The following LHFPL3 variants were observed in gnomAD, a reference collection of about 807,000 sequenced individuals.
LHFPL3 encodes LHFPL tetraspan subfamily member 3.
Under a neutral mutation model 19.3 loss-of-function variants are expected in LHFPL3, and 5 were observed. The ratio of observed to expected loss-of-function variants is 0.26; its 90% CI spans 0.14 to 0.54. The LOEUF is 0.54. Among genes scored for constraint, LHFPL3 ranks in the 20% least tolerant of loss-of-function variants. The probability of loss-of-function intolerance (pLI) is 0.94; values close to 1 mark genes in which losing one functional copy is unlikely to be tolerated. For synonymous variants in LHFPL3, 133 were observed against 126.2 expected, an observed-to-expected ratio of 1.05 and a Z score of -0.36; for missense variants, 249 against 307.4, an observed-to-expected ratio of 0.81 and a Z score of 1.42.
rs12669426 is a variant in LHFPL3, at chr7:104,399,101, C to T, written c.445+69877C>T. Among the ~76,000 whole-genome samples, 58,624 of 151,946 alleles carry T rather than the reference C, an allele frequency of 0.39. 11,743 individuals are homozygous for T. Among genetic ancestry groups the T allele is most frequent in the Admixed American group, 0.5 (7,657 of 15,276 alleles). ...AGTTCCTGTGTGCTACTGAAAGACA[C>T]ACAGGATAGTGGGGGAAGATGTCAC... On this transcript the variant is annotated intron_variant, in intron 1 of 2. Transcript: ENST00000424859. The surrounding 1 kb of genome is among the most constrained non-coding windows in gnomAD (Gnocchi z 4.4).
intron 1 of LHFPL3, among the ~76,000 whole-genome samples, chr7:104,331,775 C>T (rs1269404968): frequency 6.6e-6 from 1 of 151,954 alleles, no homozygotes; most frequent in Non-Finnish European, 1.5e-5. Context: ...CATGGTGAAA[C>T]TCCATCTCTA....
chr7:104,568,205 T>C (rs539575098), intron 1 of LHFPL3, among the ~76,000 whole-genome samples: 75 of 152,310 alleles, frequency 4.9e-4, no homozygotes, highest in African/African-American at 1.8e-3. Context: ...TCAGACTCTA[T>C]AAAGAGCTAC....
intron 2 of LHFPL3, among the ~76,000 whole-genome samples, chr7:104,746,734 G>T (rs919622519): frequency 1.3e-5 from 2 of 152,172 alleles, no homozygotes; most frequent in African/African-American, 4.8e-5. Context: ...GAACCTGCCT[G>T]ATAGAGATTT....
At chr7:104,897,286 C>T (rs773657538) in intron 2 of LHFPL3, among the ~76,000 whole-genome samples, 4 of 152,030 alleles carry the variant, frequency 2.6e-5, no homozygotes, top group African/African-American at 9.7e-5. Flanking sequence ...TCTCACAGGG[C>T]CGTGGGTGTG....
At chr7:104,687,912 A>G (rs1472917290) in intron 1 of LHFPL3, among the ~76,000 whole-genome samples, 1 of 152,202 alleles carries the variant, frequency 6.6e-6, no homozygotes, top group Non-Finnish European at 1.5e-5. Flanking sequence ...CATTATAGAA[A>G]AATACAGAAA....
At chr7:104,805,046 A>C (rs1466589483) in intron 2 of LHFPL3, among the ~76,000 whole-genome samples, 3 of 152,222 alleles carry the variant, frequency 2.0e-5, no homozygotes, top group Non-Finnish European at 4.4e-5. Context: ...AATCTGGAGC[A>C]GCCAGAGGGC....
intron 1 of LHFPL3, among the ~76,000 whole-genome samples, chr7:104,567,162 A>G (rs150850969): frequency 3.5e-4 from 54 of 152,370 alleles, no homozygotes; most frequent in African/African-American, 1.2e-3. Context: ...CAGAGTTTCC[A>G]ATGTGATTCC....
chr7:104,543,997 A>T (rs1345359385), intron 1 of LHFPL3, among the ~76,000 whole-genome samples: 1 of 151,372 alleles, frequency 6.6e-6, no homozygotes, highest in African/African-American at 2.4e-5. Context: ...CTATGTGACA[A>T]ACCTGCATGT....
intron 2 of LHFPL3, among the ~76,000 whole-genome samples, chr7:104,750,329 C>T (rs990467897): frequency 6.6e-6 from 1 of 152,180 alleles, no homozygotes. Flanking sequence ...TTCTCTGAGA[C>T]CTGACTTGCC....
rs1794094477 is a variant in LHFPL3, at chr7:104,522,686, A to G, written c.445+193462A>G. Among the ~76,000 whole-genome samples the G allele has an allele frequency of 3.3e-5, 5 of 152,160 alleles. No individual in the cohort carries two copies. In the South Asian group the frequency reaches 8.3e-4, roughly 25 times the overall value. ...TGTTCTTAAAGAAATGAAAGACAAT[A>G]CAGAAGGTCTTTCTTGCCATTTGTC... On this transcript the variant is annotated intron_variant, in intron 1 of 2. Transcript: ENST00000424859.
chr7:104,904,541 C>T (rs1792560553), intron 2 of LHFPL3, among the ~76,000 whole-genome samples: 1 of 152,226 alleles, frequency 6.6e-6, no homozygotes, highest in African/African-American at 2.4e-5. Flanking sequence ...ATCCCAGCTA[C>T]TGGGGAGGCT....
intron 2 of LHFPL3, among the ~76,000 whole-genome samples, chr7:104,793,476 G>A (rs774886168): frequency 1.3e-5 from 2 of 152,200 alleles, no homozygotes; most frequent in African/African-American, 2.4e-5. Flanking sequence ...TTACTAAGAT[G>A]TCAGTGGTAA....
intron 1 of LHFPL3, among the ~76,000 whole-genome samples, chr7:104,506,543 G>A (rs1406199719): frequency 6.6e-6 from 1 of 152,236 alleles, no homozygotes; most frequent in African/African-American, 2.4e-5. Context: ...AGCACCTACT[G>A]TGGTGCCTGA....
chr7:104,557,785 A>G (rs111811446), intron 1 of LHFPL3, among the ~76,000 whole-genome samples: 14,415 of 148,406 alleles, frequency 0.097, 1,392 homozygotes, highest in African/African-American at 0.27. Context: ...CCACTAACTC[A>G]TCATCTAGCA....
intron 1 of LHFPL3, among the ~76,000 whole-genome samples, chr7:104,367,358 G>C (rs1300098868): frequency 2.0e-5 from 3 of 152,192 alleles, no homozygotes; most frequent in Admixed American, 6.5e-5. Flanking sequence ...TTGGGAATCA[G>C]ATGTTCTATG....
intron 1 of LHFPL3, among the ~76,000 whole-genome samples, chr7:104,500,692 A>G (rs1793583524): frequency 6.6e-6 from 1 of 152,176 alleles, no homozygotes; most frequent in Non-Finnish European, 1.5e-5. Context: ...TTCCCTCGCC[A>G]CAGAGGGCAG....
At chr7:104,526,434 A>G (rs1173311676) in intron 1 of LHFPL3, among the ~76,000 whole-genome samples, 2 of 152,240 alleles carry the variant, frequency 1.3e-5, no homozygotes, top group Admixed American at 6.5e-5. Flanking sequence ...TAAAAATATC[A>G]TAGCAATCCA....
chr7:104,862,719 G>A (rs1791639621), intron 2 of LHFPL3, among the ~76,000 whole-genome samples: 1 of 152,174 alleles, frequency 6.6e-6, no homozygotes, highest in Non-Finnish European at 1.5e-5. Context: ...ACCTGGACCT[G>A]CTGAACCCTG....
chr7:104,688,520 T>C (rs543209403), intron 1 of LHFPL3, among the ~76,000 whole-genome samples: 27 of 152,104 alleles, frequency 1.8e-4, no homozygotes, highest in Non-Finnish European at 3.4e-4. Flanking sequence ...GACACTGAGC[T>C]TGTAAAGTCT....
Sources: gnomAD v4.1 joint callset for allele counts (sites outside exome capture counted in the v4.1 genomes callset) on GRCh38, gnomAD v4.1.1 for gene constraint, Gnocchi (gnomAD v3.1) non-coding constraint, MANE v1.5 for transcripts, NCBI Gene and HGNC (gene_info 2026-07-23, HGNC 2026-07-21) for gene names.